The following KIAA1549 variants were observed in gnomAD, a reference collection of about 807,000 sequenced individuals.
The protein encoded by KIAA1549 is KIAA1549, also known as UPF0606 protein KIAA1549.
In KIAA1549, 70 loss-of-function variants were observed where a neutral mutation model predicts 156.4. That is an observed-to-expected ratio of 0.45 (90% CI 0.37 to 0.55). KIAA1549 has a LOEUF of 0.55. KIAA1549 is among the 20% of genes least tolerant of loss of function. The probability of loss-of-function intolerance (pLI) is 0.00; values close to 1 mark genes in which losing one functional copy is unlikely to be tolerated. For missense variants in KIAA1549, 2,428 were observed against 2,540.9 expected, an observed-to-expected ratio of 0.96 and a Z score of 0.96; for synonymous variants, 1,103 against 1,066.4, an observed-to-expected ratio of 1.03 and a Z score of -0.67.
intron 12 of KIAA1549, chr7:138,876,514 A>G (rs10278730): frequency 0.45 from 67,977 of 152,080 alleles, 16,007 homozygotes; most frequent in African/African-American, 0.59. Context: ...TGGTTTGCAC[A>G]TGAAATTCTA....
chr7:138,835,573 G>A lies in KIAA1549; in HGVS notation c.*2333C>T. 1 of 224,376 alleles carries A rather than the reference G, an allele frequency of 4.5e-6. No individual in the cohort carries two copies. The allele number at this position is 224,376 out of a possible 1,614,324, so 13.9% of individuals were successfully genotyped here. ...GCCTGTATGGCCCTGAGCGGAACTGGGTGAGAAGGGGCCATTTATCCCGTT... is the reference window on the plus strand; with the variant it reads ...GCCTGTATGGCCCTGAGCGGAACTGAGTGAGAAGGGGCCATTTATCCCGTT... On this transcript the variant is annotated 3_prime_UTR_variant, in exon 20 of 20. Coordinates refer to ENST00000422774, the MANE Select transcript of KIAA1549 (RefSeq NM_001164665.2).
Position 138,981,366 on chromosome 7 carries a change from C to G in KIAA1549, c.-97G>C. ...TGCGGCTGGGACGGGGCGCCGCGCACCGGCGCGGAGGGAGGCCGGAGAGGC... is the reference window on the plus strand; with the variant it reads ...TGCGGCTGGGACGGGGCGCCGCGCAGCGGCGCGGAGGGAGGCCGGAGAGGC... On this transcript the variant is annotated 5_prime_UTR_variant, in exon 1 of 20. Transcript: ENST00000422774. The surrounding 1 kb of genome is among the most constrained non-coding windows in gnomAD (Gnocchi z 4.5). 2.3e-6 allele frequency: 1 copy of G among 431,384 alleles called. No individual in the cohort carries two copies. The highest frequency in any genetic ancestry group is 3.1e-6 in the Non-Finnish European group (1 of 326,754). The allele number at this position is 431,384 out of a possible 1,614,324, so 26.7% of individuals were successfully genotyped here.
intron 1 of KIAA1549, among the ~76,000 whole-genome samples, chr7:138,974,256 C>A (rs1055018306): frequency 5.9e-5 from 9 of 151,890 alleles, no homozygotes; most frequent in Non-Finnish European, 1.2e-4. Flanking sequence ...CCTTGAGGCA[C>A]CTGCTGTGCT....
rs1814534454 is a variant in KIAA1549 at position 138,981,125 on chromosome 7, G to A, written c.145C>T (p.Leu49Phe). The change falls in exon 1 of 20, where the codon CTC becomes TTC. Residue 49 changes from leucine (L) to phenylalanine (F), a missense_variant. Leu to Phe is a conservative substitution (Grantham distance 22). Around this residue, in one of 5 missense-constraint regions of KIAA1549, gnomAD observed 893 missense variants for 847.9 expected, o/e 1.05. Transcript: ENST00000422774. The surrounding 1 kb of genome is among the most constrained non-coding windows in gnomAD (Gnocchi z 4.5). ...GGCCGGGCCAGCAGCAGCAGCCAGAGGCCAGGAAGCAGCAGCCCCGGGCGG... is the reference window on the plus strand; with the variant it reads ...GGCCGGGCCAGCAGCAGCAGCCAGAAGCCAGGAAGCAGCAGCCCCGGGCGG... Reference protein sequence around the residue: ...RRRPGLLLPGLWLLLLARPAS... With the variant: ...RRRPGLLLPGFWLLLLARPAS... The A allele has an allele frequency of 1.6e-6, 2 of 1,222,544 alleles. No individual in the cohort carries two copies. The highest frequency in any genetic ancestry group is 2.0e-6 in the Non-Finnish European group (2 of 981,936). The allele number at this position is 1,222,544 out of a possible 1,614,324, so 75.7% of individuals were successfully genotyped here.
intron 16 of KIAA1549, among the ~76,000 whole-genome samples, chr7:138,854,265 T>C (rs1307604127): frequency 6.6e-6 from 1 of 152,062 alleles, no homozygotes; most frequent in Non-Finnish European, 1.5e-5. Context: ...AGTTAGATGG[T>C]TGGTAGAGTC....
Position 138,859,964 on chromosome 7 carries a change from C to T in KIAA1549, c.5247+1175G>A, listed in dbSNP as rs117289731. Among the ~76,000 whole-genome samples the T allele has an allele frequency of 1.4e-3, 207 of 152,310 alleles. 1 individual carries two copies. In the East Asian group the frequency reaches 0.023, roughly 17 times the overall value. On this transcript the variant is annotated intron_variant, in intron 16 of 19. Coordinates refer to ENST00000422774, the MANE Select transcript of KIAA1549 (RefSeq NM_001164665.2). Reference sequence around the variant, plus strand: ...GCTATTTTGTCCAGAAAAATCCATCCTGTACTGTGCACTACTCTGCCTCCA... The same window carrying T: ...GCTATTTTGTCCAGAAAAATCCATCTTGTACTGTGCACTACTCTGCCTCCA...
chr7:138,843,805 G>C lies in KIAA1549; in HGVS notation c.5452+512C>G, dbSNP rs114513278. ...TTCCAGGACACACTATTTTTTTGCTGAGTAATAGACAATGCAAAATAAAAG... is the reference window on the plus strand; with the variant it reads ...TTCCAGGACACACTATTTTTTTGCTCAGTAATAGACAATGCAAAATAAAAG... On this transcript the variant is annotated intron_variant, in intron 18 of 19. Coordinates refer to ENST00000422774, the MANE Select transcript of KIAA1549 (RefSeq NM_001164665.2). 8.9e-3 allele frequency among the ~76,000 whole-genome samples: 1,348 copies of C among 152,158 alleles called. 15 individuals are homozygous for C. The highest frequency in any genetic ancestry group is 0.03 in the African/African-American group (1,237 of 41,508).
chr7:138,838,630 A>C lies in KIAA1549; in HGVS notation c.5599-470T>G, dbSNP rs2290243. Among the ~76,000 whole-genome samples, 1,069 of 152,338 alleles carry C rather than the reference A, an allele frequency of 7.0e-3. 10 individuals are homozygous for C. Among genetic ancestry groups the C allele is most frequent in the East Asian group, 0.023 (120 of 5,190 alleles). The stretch of plus-strand genomic sequence containing the variant: ...TTTGCCGCATAGAGATTAATTTGGC[A>C]GGAGTTTCACAAGAATTATTACACT... On this transcript the variant is annotated intron_variant, in intron 19 of 19. Coordinates refer to ENST00000422774, the MANE Select transcript of KIAA1549 (RefSeq NM_001164665.2).
At chr7:138,968,575 T>C (rs933188464) in intron 1 of KIAA1549, among the ~76,000 whole-genome samples, 4 of 151,372 alleles carry the variant, frequency 2.6e-5, no homozygotes, top group African/African-American at 9.7e-5. Context: ...AGGCCAGGCG[T>C]GGTGGCTCAC....
At chr7:138,849,889 T>A (rs868593942) in intron 17 of KIAA1549, among the ~76,000 whole-genome samples, 18 of 152,318 alleles carry the variant, frequency 1.2e-4, no homozygotes, top group African/African-American at 4.1e-4. Flanking sequence ...GCAAAAGACA[T>A]GATTTCGCTC....
intron 1 of KIAA1549, among the ~76,000 whole-genome samples, chr7:138,953,477 A>T (rs1813556704): frequency 6.6e-6 from 1 of 152,216 alleles, no homozygotes; most frequent in African/African-American, 2.4e-5. Flanking sequence ...ATACATTTTT[A>T]AGAAGGGTCA....
chr7:138,876,987 G>A (rs969441959), intron 12 of KIAA1549, among the ~76,000 whole-genome samples: 4 of 152,102 alleles, frequency 2.6e-5, no homozygotes, highest in African/African-American at 9.7e-5. Context: ...TCCTTAATAT[G>A]CCACATGACC....
chr7:138,932,592 C>T (rs529218862), intron 1 of KIAA1549, among the ~76,000 whole-genome samples: 1 of 152,108 alleles, frequency 6.6e-6, no homozygotes, highest in Non-Finnish European at 1.5e-5. Flanking sequence ...CTGCTGTGTG[C>T]AGAACAGGCT....
intron 9 of KIAA1549, 105 bp downstream of exon 9, chr7:138,898,850 T>C: frequency 1.0e-6 from 1 of 970,590 alleles, no homozygotes; most frequent in South Asian, 1.4e-5. Context: ...CCATCAGGGT[T>C]ATACACACAT....
At chr7:138,874,095 TATA>T (rs901632909) in intron 12 of KIAA1549, among the ~76,000 whole-genome samples, 109 of 148,154 alleles carry the variant, frequency 7.4e-4, no homozygotes, top group African/African-American at 2.6e-3. Flanking sequence ...TATTAATAAA[TATA>T]ATTATATAAT....
intron 18 of KIAA1549, among the ~76,000 whole-genome samples, chr7:138,843,548 T>C (rs1809983012): frequency 1.3e-5 from 2 of 152,220 alleles, no homozygotes; most frequent in African/African-American, 4.8e-5. Flanking sequence ...CATTTTCCAT[T>C]ATATGTTTTT....
chr7:138,916,596 C>G (rs1228616111), intron 2 of KIAA1549, among the ~76,000 whole-genome samples, 152 bp downstream of exon 2: 1 of 152,120 alleles, frequency 6.6e-6, no homozygotes, highest in Non-Finnish European at 1.5e-5. Context: ...TCTGAGAACT[C>G]GCAGGAGGTA....
intron 10 of KIAA1549, among the ~76,000 whole-genome samples, chr7:138,888,384 T>G (rs1811456970): frequency 6.6e-6 from 1 of 152,236 alleles, no homozygotes; most frequent in African/African-American, 2.4e-5. Context: ...AATGATTGAT[T>G]ACTGGATACT....
intron 17 of KIAA1549, among the ~76,000 whole-genome samples, chr7:138,847,437 T>C (rs1033026053): frequency 1.3e-5 from 2 of 152,160 alleles, no homozygotes; most frequent in African/African-American, 4.8e-5. Flanking sequence ...AAAATGATGA[T>C]GGTTTAAAAA....
Sources: allele counts gnomAD v4.1 joint callset (sites outside exome capture counted in the v4.1 genomes callset), GRCh38; gene constraint gnomAD v4.1.1; regional missense constraint gnomAD v4.1.1; non-coding constraint Gnocchi (gnomAD v3.1); transcripts MANE v1.5; gene names NCBI Gene and HGNC (gene_info 2026-07-23, HGNC 2026-07-21).